Variants in ATG2B observed in about 807,000 individuals in gnomAD.
ATG2B encodes the protein autophagy-related protein 2 homolog B.
In ATG2B, 121 loss-of-function variants were observed where a neutral mutation model predicts 241.3. That is an observed-to-expected ratio of 0.50 (90% CI 0.43 to 0.58). ATG2B has a LOEUF of 0.58. Ranked by LOEUF, ATG2B falls within the 20% of genes least tolerant of loss-of-function variation. The pLI is 0.00. For missense variants in ATG2B, 2,306 were observed against 2,491.6 expected, an observed-to-expected ratio of 0.93 and a Z score of 1.59; for synonymous variants, 858 against 876.6, an observed-to-expected ratio of 0.98 and a Z score of 0.37.
In ATG2B at chr14:96,317,147, T is replaced by C; in HGVS notation, c.3208A>G (p.Lys1070Glu). The C allele has an allele frequency of 6.2e-7, 1 of 1,603,242 alleles. No homozygotes were observed. The highest frequency in any genetic ancestry group is 1.1e-5 in the South Asian group (1 of 88,838). The change falls in exon 20 of 42, where the codon AAG (lysine) becomes GAG (glutamate). Residue 1070 changes from lysine (K) to glutamate (E), a missense_variant and splice_region_variant. By Grantham distance (56) the Lys-to-Glu change is moderately conservative. This residue lies in a region of ATG2B where 1,927 missense variants were observed against 2,011.2 expected (regional missense o/e 0.96). Transcript: ENST00000359933. The stretch of plus-strand genomic sequence containing the variant: ...CACTTCGGATTTGTAAACCTCACCT[T>C]CACATCTGTGAACACTGCTATTAAT... ...HGLIAVFTDV[K>E]QDNGDLLENK...
At chr14:96,305,889 G>T in intron 30 of ATG2B, 74 bp from the exon 31 acceptor site, 1 of 1,133,398 alleles carries the variant, frequency 8.8e-7, no homozygotes, top group Non-Finnish European at 1.3e-6. Flanking sequence ...ACATCTCAAG[G>T]GGCATTCTTG....
chr14:96,313,357 G>A lies in ATG2B; in HGVS notation c.3721C>T (p.His1241Tyr). 6.3e-7 allele frequency: 1 copy of A among 1,590,574 alleles called. No individual in the cohort carries two copies. The highest frequency in any genetic ancestry group is 8.5e-7 in the Non-Finnish European group (1 of 1,172,108). Residue 1241 changes from histidine (H) to tyrosine (Y), a missense_variant, in exon 24 of 42, where the codon CAT (histidine) becomes TAT (tyrosine). Coordinates refer to ENST00000359933, the MANE Select transcript of ATG2B (RefSeq NM_018036.7). ...PPTSFTTFHVHLWSCALDYRP... is the reference protein window; with the variant it reads ...PPTSFTTFHVYLWSCALDYRP... Reference sequence around the variant, plus strand: ...TAATCAAGTGCACAGCTCCAAAGATGAACATGAAAAGTTGTAAATGAAGTT... The same window carrying A: ...TAATCAAGTGCACAGCTCCAAAGATAAACATGAAAAGTTGTAAATGAAGTT...
At chr14:96,287,734 T>C (rs1886377391) in intron 41 of ATG2B, among the ~76,000 whole-genome samples, 1 of 152,224 alleles carries the variant, frequency 6.6e-6, no homozygotes, top group South Asian at 2.1e-4. Context: ...TTGACATACT[T>C]TTTATGTAAG....
intron 1 of ATG2B, among the ~76,000 whole-genome samples, chr14:96,355,012 T>TC (rs1888436609): frequency 6.6e-6 from 1 of 152,234 alleles, no homozygotes; most frequent in Non-Finnish European, 1.5e-5. Flanking sequence ...GTAAATTTGT[T>TC]AAGTTCCTTA....
chr14:96,349,477 G>A (rs1456686728), intron 1 of ATG2B, among the ~76,000 whole-genome samples: 2 of 152,210 alleles, frequency 1.3e-5, no homozygotes, highest in Admixed American at 6.5e-5. Context: ...AGCATGAAGG[G>A]AAGATGCCAG....
intron 36 of ATG2B, among the ~76,000 whole-genome samples, chr14:96,292,536 G>T (rs1886514038): frequency 6.6e-6 from 1 of 152,048 alleles, no homozygotes; most frequent in Admixed American, 6.6e-5. Context: ...AATATAAAGA[G>T]AAGGCCTAAG....
chr14:96,306,931 TACA>T lies in ATG2B; in HGVS notation c.4304-18_4304-16del. 6.2e-7 allele frequency: 1 copy of T among 1,606,008 alleles called. No homozygotes were observed. Among genetic ancestry groups the T allele is most frequent in the Non-Finnish European group, 8.5e-7 (1 of 1,175,726 alleles). On this transcript the variant is annotated splice_polypyrimidine_tract_variant and intron_variant, in intron 29 of 41. Transcript: ENST00000359933. ...ATCCAAAACACCTAGATAAAAAGAT[TACA>T]ACATTTTGGCACACTTTGAAATATC... is the stretch of plus-strand genomic sequence containing the variant.
chr14:96,324,164 A>C (rs1887531212), intron 15 of ATG2B, 166 bp from the exon 16 acceptor site: 2 of 569,130 alleles, frequency 3.5e-6, no homozygotes, highest in Non-Finnish European at 6.1e-6. Flanking sequence ...AGAATGAGCC[A>C]ATAAATTAAA....
At position 96,311,671 on chromosome 14, in the gene ATG2B, T is replaced by C. The variant is rs1039926101; in HGVS notation, c.3914-53A>G. 1.8e-5 allele frequency: 21 copies of C among 1,172,822 alleles called. No homozygotes were observed. The African/African-American group carries it at 2.6e-4, about 14-fold the overall frequency. 72.7% of individuals were successfully genotyped at this position (1,172,822 alleles called of 1,614,324 possible). ...CTTCAGTACAGCTTTCAAAAATGTG[T>C]ATCCAACCAACACCCAATACAACTA... is the stretch of plus-strand genomic sequence containing the variant. On this transcript the variant is annotated intron_variant, in intron 26 of 41. Coordinates refer to ENST00000359933, the MANE Select transcript of ATG2B (RefSeq NM_018036.7).
At chr14:96,346,476 T>A (rs942006693) in intron 2 of ATG2B, among the ~76,000 whole-genome samples, 1 of 152,200 alleles carries the variant, frequency 6.6e-6, no homozygotes, top group East Asian at 1.9e-4. Flanking sequence ...ACGATTTCCA[T>A]GCATGCATAA....
chr14:96,323,779 CA>C lies in ATG2B; in HGVS notation c.2540+116del, dbSNP rs369736180. 4,934 of 741,592 alleles carry C rather than the reference CA, an allele frequency of 6.7e-3. 57 individuals are homozygous for C. Among genetic ancestry groups the C allele is most frequent in the Middle Eastern group, 0.057 (177 of 3,116 alleles). The allele number at this position is 741,592 out of a possible 1,614,324, so 45.9% of individuals were successfully genotyped here. A position where few individuals can be genotyped will look rare whatever the true frequency, so the allele number is the denominator to read the frequency against. Reference sequence around the variant, plus strand: ...ACCCAATCATCACGCTTATGAACCACAAAAGAATCAAGGATGGACATGTTTA... The same window carrying C: ...ACCCAATCATCACGCTTATGAACCACAAAGAATCAAGGATGGACATGTTTA... On this transcript the variant is annotated intron_variant, in intron 16 of 41. Transcript: ENST00000359933.
chr14:96,292,061 CA>C lies in ATG2B; in HGVS notation c.5463del (p.Asp1822IlefsTer14). 1 of 1,599,102 alleles carries C rather than the reference CA, an allele frequency of 6.3e-7. No homozygotes were observed. Among genetic ancestry groups the C allele is most frequent in the Non-Finnish European group, 8.5e-7 (1 of 1,172,586 alleles). ...ATTGATACATGTTTGCCATGATAAT[CA>C]AGTCGAATGGGAACTTCTGACGTGA... ...FRFTSEVPIR[L>X]DYHGKHVSMD... On this transcript the variant is annotated frameshift_variant, in exon 37 of 42. Transcript: ENST00000359933. LOFTEE classifies it high-confidence loss of function.
chr14:96,311,539 C>T lies in ATG2B; in HGVS notation c.3990+3G>A, dbSNP rs1887156032. The T allele has an allele frequency of 1.3e-6, 2 of 1,591,880 alleles. No homozygotes were observed. Among genetic ancestry groups the T allele is most frequent in the Non-Finnish European group, 1.7e-6 (2 of 1,165,056 alleles). On this transcript the variant is annotated splice_donor_region_variant and intron_variant, in intron 27 of 41. Transcript: ENST00000359933. ...AAAATTTTCATTTATTTTAATAACT[C>T]ACTTGCTCTCCATCAGAATCAGACT... is the stretch of plus-strand genomic sequence containing the variant.
intron 2 of ATG2B, among the ~76,000 whole-genome samples, chr14:96,346,546 G>A (rs1888174698): frequency 6.6e-6 from 1 of 152,108 alleles, no homozygotes; most frequent in Non-Finnish European, 1.5e-5. Flanking sequence ...AAACTTTCAT[G>A]TTTTGGGCAG....
chr14:96,291,987 C>A, intron 37 of ATG2B, 42 bp downstream of exon 37: 1 of 1,331,080 alleles, frequency 7.5e-7, no homozygotes. Context: ...ATTAGAGAAA[C>A]ATATGATAAT....
At chr14:96,296,103 G>A (rs1208387786) in intron 34 of ATG2B, among the ~76,000 whole-genome samples, 4 of 152,146 alleles carry the variant, frequency 2.6e-5, no homozygotes, top group African/African-American at 4.8e-5. Context: ...ACAGGCGCCC[G>A]CCACCATGCC....
intron 1 of ATG2B, among the ~76,000 whole-genome samples, chr14:96,362,269 A>C (rs1215674309): frequency 6.6e-6 from 1 of 152,180 alleles, no homozygotes; most frequent in Non-Finnish European, 1.5e-5. Context: ...GTAAACATAT[A>C]ATCAAGCAAA....
Position 96,281,258 on chromosome 14 carries a change from T to C in ATG2B, c.*4497A>G, listed in dbSNP as rs1481680821. The C allele has an allele frequency of 1.3e-5, 2 of 152,174 alleles. No homozygotes were observed. The highest frequency in any genetic ancestry group is 2.4e-5 in the African/African-American group (1 of 41,432). 9.4% of individuals were successfully genotyped at this position (152,174 alleles called of 1,614,324 possible). A position where few individuals can be genotyped will look rare whatever the true frequency, so the allele number is the denominator to read the frequency against. On this transcript the variant is annotated 3_prime_UTR_variant, in exon 42 of 42. Coordinates refer to ENST00000359933, the MANE Select transcript of ATG2B (RefSeq NM_018036.7). ...TGAAAGACAAGTGTTTAAAGCAAAA[T>C]CCAAAGAGTAAATATTTTAATTTTT...
Position 96,304,610 on chromosome 14 carries a change from AT to A in ATG2B, c.4734-8del. ...AGGCGAACTGTGGGGACTACTAAAA[AT>A]GAGCAAAAAAAAAAAAAACCCTTTT... On this transcript the variant is annotated splice_polypyrimidine_tract_variant and splice_region_variant and intron_variant, in intron 31 of 41. Transcript: ENST00000359933. The A allele has an allele frequency of 6.8e-7, 1 of 1,462,772 alleles. No homozygotes were observed. Among genetic ancestry groups the A allele is most frequent in the Admixed American group, 2.1e-5 (1 of 47,422 alleles). 90.6% of individuals were successfully genotyped at this position (1,462,772 alleles called of 1,614,324 possible). A position where few individuals can be genotyped will look rare whatever the true frequency, so the allele number is the denominator to read the frequency against.
Sources: allele counts gnomAD v4.1 joint callset (sites outside exome capture counted in the v4.1 genomes callset), GRCh38; gene constraint gnomAD v4.1.1; regional missense constraint gnomAD v4.1.1; transcripts MANE v1.5; gene names NCBI Gene and HGNC (gene_info 2026-07-23, HGNC 2026-07-21).